Variants in SUGP1 observed in about 807,000 individuals in gnomAD.
The protein encoded by SUGP1 is SURP and G-patch domain containing 1, also known as SURP and G-patch domain-containing protein 1.
In SUGP1, 34 loss-of-function variants were observed where a neutral mutation model predicts 76.5. The ratio of observed to expected loss-of-function variants is 0.44; its 90% CI spans 0.34 to 0.59. SUGP1 has a LOEUF of 0.59. SUGP1 is among the 20% of genes least tolerant of loss of function. The pLI, the probability that SUGP1 is intolerant of heterozygous loss-of-function variation, is 0.01. For synonymous variants in SUGP1, 326 were observed against 326.2 expected (o/e 1.00, Z 0.01); for missense variants, 752 against 851.7 (o/e 0.88, Z 1.46).
At chr19:19,279,950 C>G (rs916283090) in intron 9 of SUGP1, among the ~76,000 whole-genome samples, 1 of 152,216 alleles carries the variant, frequency 6.6e-6, no homozygotes, top group Non-Finnish European at 1.5e-5. Context: ...GCCCCAAGGG[C>G]CAGTGGTCTC....
intron 8 of SUGP1, among the ~76,000 whole-genome samples, chr19:19,292,976 G>A (rs969050219): frequency 1.3e-5 from 2 of 151,642 alleles, no homozygotes; most frequent in Non-Finnish European, 2.9e-5. Context: ...GCTCAATCTC[G>A]GCTCACTGCA....
chr19:19,306,124 C>T, intron 3 of SUGP1, 48 bp from the exon 4 acceptor site: 1 of 1,460,068 alleles, frequency 6.8e-7, no homozygotes, highest in Non-Finnish European at 9.1e-7. Context: ...CAGGGCACCT[C>T]TCCCGGCTTC....
intron 8 of SUGP1, among the ~76,000 whole-genome samples, chr19:19,294,163 C>T (rs972759465): frequency 1.3e-4 from 19 of 148,626 alleles, no homozygotes; most frequent in African/African-American, 3.5e-4. Context: ...CTCCAGCCTG[C>T]GTGACAGAGT....
intron 5 of SUGP1, 36 bp from the exon 6 acceptor site, chr19:19,303,484 A>G (rs1488762003): frequency 1.3e-6 from 2 of 1,574,736 alleles, no homozygotes; most frequent in African/African-American, 2.7e-5. Flanking sequence ...AGAGGGGAAA[A>G]TAAGTATCTG....
chr19:19,295,752 C>T (rs1161602721), intron 8 of SUGP1, among the ~76,000 whole-genome samples: 2 of 152,014 alleles, frequency 1.3e-5, no homozygotes, highest in East Asian at 3.9e-4. Flanking sequence ...AGTCTGTGGT[C>T]TCAGCTACTC....
intron 8 of SUGP1, among the ~76,000 whole-genome samples, chr19:19,285,504 T>C (rs2061132669): frequency 6.6e-6 from 1 of 151,900 alleles, no homozygotes; most frequent in Admixed American, 6.6e-5. Flanking sequence ...AGTGCCCTAT[T>C]GGGGTGGGGG....
chr19:19,312,525 C>T (rs185085937), intron 2 of SUGP1, among the ~76,000 whole-genome samples: 1 of 152,204 alleles, frequency 6.6e-6, no homozygotes, highest in East Asian at 1.9e-4. Flanking sequence ...ACAGGGCTAG[C>T]CTTTTTCCTT....
In SUGP1 at chr19:19,316,612, T is replaced by A. The variant is rs1441851430; in HGVS notation, c.35-19A>T. On this transcript the variant is annotated intron_variant, in intron 1 of 13. Transcript: ENST00000247001. ...GCCTTTCCTGGGGAGGGAAAAGGAG[T>A]ACGTCGGAAATCACCCTTACTCCAC... 2 of 1,612,550 alleles carry A rather than the reference T, an allele frequency of 1.2e-6. No homozygotes were observed. Among genetic ancestry groups the A allele is most frequent in the African/African-American group, 2.7e-5 (2 of 74,686 alleles).
Position 19,305,967 on chromosome 19 carries a change from C to G in SUGP1, c.420G>C (p.Pro140=), listed in dbSNP as rs376726843. 3 of 1,612,300 alleles carry G rather than the reference C, an allele frequency of 1.9e-6. No individual in the cohort carries two copies. The Admixed American group carries it at 5.0e-5, about 27-fold the overall frequency. The change falls in exon 4 of 14, where the codon CCG becomes CCC. Residue 140 remains proline, a synonymous_variant. Coordinates refer to ENST00000247001, the MANE Select transcript of SUGP1 (RefSeq NM_172231.4). Reference sequence around the variant, plus strand: ...CGTGGGAGTAGCTCTTCACAGGGCCCGGCAGGCTGGCCAGCCCCAGGCCTG... The same window carrying G: ...CGTGGGAGTAGCTCTTCACAGGGCCGGGCAGGCTGGCCAGCCCCAGGCCTG... ...RRTGLGLASL[P]GPVKSYSHAK... is the part of the protein sequence containing the mutation.
At chr19:19,276,731 C>A in intron 13 of SUGP1, 57 bp from the exon 14 acceptor site, 1 of 1,609,478 alleles carries the variant, frequency 6.2e-7, no homozygotes, top group South Asian at 1.1e-5. Flanking sequence ...GACAGCAGTT[C>A]CTCCTGTCTG....
chr19:19,280,333 C>T (rs774885044), intron 8 of SUGP1, 42 bp from the exon 9 acceptor site: 13 of 1,570,570 alleles, frequency 8.3e-6, no homozygotes, highest in African/African-American at 1.3e-5. Flanking sequence ...CTGACAGGTG[C>T]ACCCCGATCT....
Position 19,320,463 on chromosome 19 carries a change from C to T in SUGP1, c.34G>A (p.Gly12Arg). ...CCTGAGAGGAGGCGGGGGCTGTTAC[C>T]TGCAACATCCCGGTTGTCCATCTTG... ...SLKMDNRDVA[G>R]KANRWFGVAP... Residue 12 changes from glycine (G) to arginine (R), a missense_variant and splice_region_variant, in exon 1 of 14, where the codon GGA becomes AGA. Physicochemically the swap from Gly to Arg is moderately radical, Grantham distance 125. Coordinates refer to ENST00000247001, the MANE Select transcript of SUGP1 (RefSeq NM_172231.4). The T allele has an allele frequency of 6.2e-7, 1 of 1,610,452 alleles. No individual in the cohort carries two copies. Among genetic ancestry groups the T allele is most frequent in the Non-Finnish European group, 8.5e-7 (1 of 1,178,716 alleles).
intron 1 of SUGP1, among the ~76,000 whole-genome samples, chr19:19,319,800 T>C (rs570751822): frequency 6.6e-6 from 1 of 152,000 alleles, no homozygotes; most frequent in South Asian, 2.1e-4. Flanking sequence ...ATATCATACG[T>C]AACCTCACAT....
intron 7 of SUGP1, 67 bp from the exon 8 acceptor site, chr19:19,297,411 G>GAGCAGTTCTGGCCTTCTGGGCAGT: frequency 1.5e-6 from 2 of 1,373,054 alleles, no homozygotes; most frequent in Non-Finnish European, 2.0e-6. Flanking sequence ...TTCTGGGCAG[G>GAGCAGTTCTGGCCTTCTGGGCAGT]AGCAGTTCTG....
intron 2 of SUGP1, among the ~76,000 whole-genome samples, chr19:19,310,862 C>T (rs1452370953): frequency 2.0e-5 from 3 of 151,984 alleles, no homozygotes; most frequent in African/African-American, 2.4e-5. Context: ...GGGCTGTTCT[C>T]GAACTTCTAA....
chr19:19,298,999 C>T (rs1165786637), intron 7 of SUGP1, among the ~76,000 whole-genome samples: 6 of 152,186 alleles, frequency 3.9e-5, no homozygotes, highest in Non-Finnish European at 8.8e-5. Flanking sequence ...TGGAGCCCCC[C>T]AACACCCCAT....
rs2061048713 is a variant in SUGP1, at chr19:19,276,263, C to A, written c.*385G>T. 1.0e-5 allele frequency: 2 copies of A among 195,760 alleles called. No individual in the cohort carries two copies. The highest frequency in any genetic ancestry group is 5.4e-5 in the Admixed American group (1 of 18,676). The allele number at this position is 195,760 out of a possible 1,614,324, so 12.1% of individuals were successfully genotyped here. On this transcript the variant is annotated 3_prime_UTR_variant, in exon 14 of 14. Coordinates refer to ENST00000247001, the MANE Select transcript of SUGP1 (RefSeq NM_172231.4). ...ACAGGATTTCACCATGTTGGCCAGG[C>A]TGGTCTTAAACTCCTGACCTCCAGT...
intron 7 of SUGP1, among the ~76,000 whole-genome samples, chr19:19,299,194 G>A (rs566010470): frequency 6.6e-6 from 1 of 152,254 alleles, no homozygotes; most frequent in Non-Finnish European, 1.5e-5. Flanking sequence ...GATGACATAA[G>A]CCTTTCCTAT....
chr19:19,291,755 T>G (rs1599853202), intron 8 of SUGP1, among the ~76,000 whole-genome samples: 1 of 151,062 alleles, frequency 6.6e-6, no homozygotes, highest in East Asian at 1.9e-4. Context: ...TTAGCCAGGC[T>G]TGGTGGCGGC....
Sources: allele counts gnomAD v4.1 joint callset (sites outside exome capture counted in the v4.1 genomes callset), GRCh38; gene constraint gnomAD v4.1.1; transcripts MANE v1.5; gene names NCBI Gene and HGNC (gene_info 2026-07-23, HGNC 2026-07-21).